Variants in LRBA observed in about 807,000 individuals in gnomAD.
LRBA encodes the protein LPS responsive beige-like anchor protein.
A neutral mutation model predicts 330.0 loss-of-function variants in LRBA; 176 were observed. The observed-to-expected ratio is 0.53, with a 90% CI of 0.47 to 0.60. The LOEUF is 0.60. LRBA is among the 20% of genes least tolerant of loss of function. LRBA has a pLI of 0.00. For synonymous variants in LRBA, 1,230 were observed against 1,193.0 expected, an observed-to-expected ratio of 1.03 and a Z score of -0.64; for missense variants, 3,259 against 3,444.8, an observed-to-expected ratio of 0.95 and a Z score of 1.35.
intron 11 of LRBA, among the ~76,000 whole-genome samples, chr4:150,907,231 GGGGGAGGGAGAGGGAGA>G (rs1371673069): frequency 7.5e-5 from 8 of 107,242 alleles, no homozygotes; most frequent in Non-Finnish European, 1.6e-4. Flanking sequence ...ACGGGGGGAG[GGGGGAGGGAGAGGGAGA>G]GGGGAGGGAG....
At chr4:150,588,214 G>A (rs1772362259) in intron 39 of LRBA, 30 bp from the exon 40 acceptor site, 2 of 1,551,710 alleles carry the variant, frequency 1.3e-6, no homozygotes, top group Non-Finnish European at 1.7e-6. Context: ...AGCCACACAA[G>A]TTGGAATGAC....
intron 2 of LRBA, among the ~76,000 whole-genome samples, chr4:150,930,040 C>T (rs571138603): frequency 2.0e-5 from 3 of 152,168 alleles, no homozygotes; most frequent in East Asian, 1.9e-4. Context: ...TCCGGCAGGG[C>T]GTGGTGGCTC....
chr4:150,482,346 T>C (rs1421467778), intron 42 of LRBA, among the ~76,000 whole-genome samples: 1 of 152,118 alleles, frequency 6.6e-6, no homozygotes, highest in Non-Finnish European at 1.5e-5. Flanking sequence ...AATTCATCTG[T>C]GTTGTTGCAT....
intron 36 of LRBA, among the ~76,000 whole-genome samples, chr4:150,724,614 G>A (rs1308146789): frequency 6.6e-6 from 1 of 152,080 alleles, no homozygotes; most frequent in African/African-American, 2.4e-5. Flanking sequence ...TGACGAAACA[G>A]AGACATATGA....
At chr4:150,387,607 A>C (rs2151901793) in intron 47 of LRBA, among the ~76,000 whole-genome samples, 1 of 152,310 alleles carries the variant, frequency 6.6e-6, no homozygotes, top group East Asian at 1.9e-4. Flanking sequence ...ATTTAAGGAA[A>C]TCAAACTGAA....
chr4:150,649,933 A>T (rs746235514), intron 37 of LRBA, among the ~76,000 whole-genome samples: 57 of 152,184 alleles, frequency 3.7e-4, no homozygotes, highest in Non-Finnish European at 7.1e-4. Flanking sequence ...AAGAATAAAA[A>T]ATATTTAAGA....
chr4:150,655,743 T>C (rs901921240), intron 37 of LRBA, among the ~76,000 whole-genome samples: 1 of 152,184 alleles, frequency 6.6e-6, no homozygotes, highest in African/African-American at 2.4e-5. Flanking sequence ...CAGAAACAAA[T>C]AGCAATGGAA....
At chr4:150,675,953 T>C (rs1214934453) in intron 37 of LRBA, among the ~76,000 whole-genome samples, 1 of 152,182 alleles carries the variant, frequency 6.6e-6, no homozygotes, top group East Asian at 1.9e-4. Context: ...AGGACCTTAC[T>C]ATCCAATGAA....
intron 40 of LRBA, chr4:150,584,278 C>A: frequency 1.6e-6 from 1 of 630,002 alleles, no homozygotes. Context: ...AGAGAGCAAC[C>A]CAACCAAAAC....
chr4:150,771,757 G>C (rs940160266), intron 34 of LRBA, among the ~76,000 whole-genome samples: 2 of 152,156 alleles, frequency 1.3e-5, no homozygotes, highest in African/African-American at 2.4e-5. Flanking sequence ...TTGCTGAGTG[G>C]AAGTTCAGGT....
intron 38 of LRBA, chr4:150,597,091 T>G (rs1773578477): frequency 7.1e-7 from 1 of 1,400,182 alleles, no homozygotes; most frequent in African/African-American, 1.4e-5. Flanking sequence ...ACCTTTGCTG[T>G]TCTCTCTCAA....
intron 48 of LRBA, among the ~76,000 whole-genome samples, chr4:150,330,752 A>T (rs1410232567): frequency 6.6e-6 from 1 of 151,750 alleles, no homozygotes; most frequent in Non-Finnish European, 1.5e-5. Context: ...GCGGTCAGGG[A>T]CCCCTGCTAG....
intron 40 of LRBA, among the ~76,000 whole-genome samples, chr4:150,553,086 A>C (rs902119051): frequency 1.3e-5 from 2 of 151,930 alleles, no homozygotes; most frequent in African/African-American, 4.8e-5. Flanking sequence ...AAAAGAAAAA[A>C]AGAAAAAAAA....
In LRBA at chr4:150,439,868, A is replaced by G. The variant is rs546228831; in HGVS notation, c.6781-3004T>C. On this transcript the variant is annotated intron_variant, in intron 44 of 56. Coordinates refer to ENST00000651943, the MANE Select transcript of LRBA (RefSeq NM_001364905.1). ...ATTTTTCTGACAACTGCTTTAAAAG[A>G]TGATCTGAATTCAACTATGTTATAA... 4.6e-5 allele frequency among the ~76,000 whole-genome samples: 7 copies of G among 152,290 alleles called. No individual in the cohort carries two copies. The South Asian group carries it at 1.5e-3, about 32-fold the overall frequency.
chr4:150,893,178 A>G (rs1307124271), intron 16 of LRBA, 29 bp from the exon 17 acceptor site: 4 of 1,322,606 alleles, frequency 3.0e-6, no homozygotes, highest in Non-Finnish European at 4.3e-6. Flanking sequence ...TTTTTTTTAA[A>G]AAATGAGGAA....
intron 37 of LRBA, among the ~76,000 whole-genome samples, chr4:150,658,159 A>G (rs1780402084): frequency 7.1e-6 from 1 of 140,724 alleles, no homozygotes; most frequent in Admixed American, 7.6e-5. Context: ...TGTGCTCTCA[A>G]AAACAATTGA....
chr4:150,844,071 G>T, intron 28 of LRBA, 29 bp downstream of exon 28: 1 of 1,331,400 alleles, frequency 7.5e-7, no homozygotes, highest in South Asian at 1.2e-5. Context: ...TCAGTTAAGA[G>T]AGTATGTGAA....
chr4:150,817,401 C>T, intron 30 of LRBA, 144 bp from the exon 31 acceptor site: 2 of 699,628 alleles, frequency 2.9e-6, no homozygotes, highest in Non-Finnish European at 4.8e-6. Flanking sequence ...TTAGACTTTT[C>T]ACCCAACATG....
intron 47 of LRBA, among the ~76,000 whole-genome samples, chr4:150,392,879 T>C (rs186988266): frequency 3.1e-3 from 468 of 151,886 alleles, no homozygotes; most frequent in African/African-American, 0.01. Context: ...GGGAGAGCAT[T>C]AGGACAAATA....
Sources: gnomAD v4.1 joint callset for allele counts (sites outside exome capture counted in the v4.1 genomes callset) on GRCh38, gnomAD v4.1.1 for gene constraint, MANE v1.5 for transcripts, NCBI Gene and HGNC (gene_info 2026-07-23, HGNC 2026-07-21) for gene names.